Variants in EN2 observed in about 807,000 individuals in gnomAD.
EN2 encodes engrailed homeobox 2.
Under a neutral mutation model 25.0 loss-of-function variants are expected in EN2, and 7 were observed. That is an observed-to-expected ratio of 0.28 (90% confidence interval 0.16 to 0.53). The LOEUF (loss-of-function observed/expected upper bound fraction) is 0.53. Ranked by LOEUF, EN2 falls within the 20% of genes least tolerant of loss-of-function variation. The pLI, the probability that EN2 is intolerant of heterozygous loss-of-function variation, is 0.96. For missense variants in EN2, 524 were observed against 501.8 expected (o/e 1.04, Z -0.42); for synonymous variants, 277 against 243.3 (o/e 1.14, Z -1.29).
In EN2 at chr7:155,458,790, G is replaced by T. The variant is rs994956646; in HGVS notation, c.413G>T (p.Gly138Val). The T allele has an allele frequency of 2.2e-6, 3 of 1,391,084 alleles. No homozygotes were observed. The African/African-American group carries it at 4.6e-5, about 21-fold the overall frequency. The allele number at this position is 1,391,084 out of a possible 1,614,324, so 86.2% of individuals were successfully genotyped here. The change falls in exon 1 of 2, where the codon GGC becomes GTC. Residue 138 changes from glycine (G) to valine (V), a missense_variant. Coordinates refer to ENST00000297375, the MANE Select transcript of EN2 (RefSeq NM_001427.4). ...CGGCAGAACCCGCCATGTGCGCCCG[G>T]CGCGGGCGGGCCGCTCCCAGCCGCC... Reference protein sequence around the residue: ...EPRQNPPCAPGAGGPLPAAGS... With the variant: ...EPRQNPPCAPVAGGPLPAAGS...
intron 1 of EN2, 97 bp downstream of exon 1, chr7:155,459,159 C>A: frequency 7.9e-7 from 1 of 1,260,348 alleles, no homozygotes; most frequent in Non-Finnish European, 1.1e-6. Flanking sequence ...AGGAAAACAT[C>A]TCGAACCTCC....
chr7:155,460,815 A>C (rs1321295282), intron 1 of EN2, among the ~76,000 whole-genome samples: 1 of 152,230 alleles, frequency 6.6e-6, no homozygotes, highest in Non-Finnish European at 1.5e-5. Flanking sequence ...TGAGCAAGAC[A>C]GGCACTGAGT....
rs770353560 is a variant in EN2, at chr7:155,458,939, G to A, written c.562G>A (p.Gly188Ser). The change falls in exon 1 of 2, where the codon GGC becomes AGC. Residue 188 changes from glycine to serine, a missense_variant. Coordinates refer to ENST00000297375, the MANE Select transcript of EN2 (RefSeq NM_001427.4). ...GTCGCTCAAGGCCCGCGGCTTGGGC[G>A]GCGGCGACCTGTCGGTGAGCTCGGA... Reference protein sequence around the residue: ...DGSLKARGLGGGDLSVSSDSD... With the variant: ...DGSLKARGLGSGDLSVSSDSD... 9 of 1,519,524 alleles carry A rather than the reference G, an allele frequency of 5.9e-6. No homozygotes were observed. The highest frequency in any genetic ancestry group is 1.8e-4 in the Middle Eastern group (1 of 5,644). The allele number at this position is 1,519,524 out of a possible 1,614,324, so 94.1% of individuals were successfully genotyped here.
At position 155,458,345 on chromosome 7, in the gene EN2, CG is replaced by C; in HGVS notation, c.-31del. 7.8e-7 allele frequency: 1 copy of C among 1,282,910 alleles called. No individual in the cohort carries two copies. 79.5% of individuals were successfully genotyped at this position (1,282,910 alleles called of 1,614,324 possible). ...GAAGGCTGATTTGGAAGGGCGTCCC[CG>C]GAGAACCAGTGTGGGATTTACTGTG... On this transcript the variant is annotated 5_prime_UTR_variant, in exon 1 of 2. Transcript: ENST00000297375.
At chr7:155,461,200 A>G (rs73734529) in intron 1 of EN2, among the ~76,000 whole-genome samples, 1,608 of 152,272 alleles carry the variant, frequency 0.011, 30 homozygotes, top group African/African-American at 0.036. Flanking sequence ...TTCTCCAGCC[A>G]CAGGGACCTG....
rs1440560547 is a variant in EN2, at chr7:155,458,930, G to T, written c.553G>T (p.Gly185Cys). The T allele has an allele frequency of 6.6e-7, 1 of 1,517,866 alleles. No individual in the cohort carries two copies. Among genetic ancestry groups the T allele is most frequent in the Non-Finnish European group, 8.8e-7 (1 of 1,140,110 alleles). The allele number at this position is 1,517,866 out of a possible 1,614,324, so 94.0% of individuals were successfully genotyped here. Residue 185 changes from glycine to cysteine, a missense_variant, in exon 1 of 2, where the codon GGC becomes TGC. Transcript: ENST00000297375. ...CCTGGACGGGTCGCTCAAGGCCCGCGGCTTGGGCGGCGGCGACCTGTCGGT... is the reference window on the plus strand; with the variant it reads ...CCTGGACGGGTCGCTCAAGGCCCGCTGCTTGGGCGGCGGCGACCTGTCGGT... ...GPLDGSLKARGLGGGDLSVSS... is the reference protein window; with the variant it reads ...GPLDGSLKARCLGGGDLSVSS...
intron 1 of EN2, among the ~76,000 whole-genome samples, chr7:155,460,680 G>A (rs1379728056): frequency 6.6e-6 from 1 of 152,172 alleles, no homozygotes. Context: ...CTGGGAGCAG[G>A]AGGCTGGGGC....
In EN2 at chr7:155,464,778, T is replaced by A. The variant is rs945758995; in HGVS notation, c.*2091T>A. 1 of 152,350 alleles carries A rather than the reference T, an allele frequency of 6.6e-6. No individual in the cohort carries two copies. Among genetic ancestry groups the A allele is most frequent in the African/African-American group, 2.4e-5 (1 of 41,418 alleles). 9.4% of individuals were successfully genotyped at this position (152,350 alleles called of 1,614,324 possible). A position where few individuals can be genotyped will look rare whatever the true frequency, so the allele number is the denominator to read the frequency against. ...ACCCCCACCCCCGCATTTTTGTGTG[T>A]TGAAATTCTTGAAGGTTACATTAAA... On this transcript the variant is annotated 3_prime_UTR_variant, in exon 2 of 2. Coordinates refer to ENST00000297375, the MANE Select transcript of EN2 (RefSeq NM_001427.4).
intron 1 of EN2, among the ~76,000 whole-genome samples, chr7:155,461,533 G>C (rs1216542672): frequency 6.6e-6 from 1 of 152,304 alleles, no homozygotes; most frequent in East Asian, 1.9e-4. Flanking sequence ...CAGTGGGGAG[G>C]GTCAGAAGTG....
In EN2 at chr7:155,459,037, G is replaced by T. The variant is rs1374962602; in HGVS notation, c.660G>T (p.Thr220=). ...PMLWPAWVYC[T]RYSDRPSSGP... is the part of the protein sequence containing the mutation. ...TCTGGCCGGCGTGGGTCTACTGTAC[G>T]CGCTACTCGGACCGGCCTTCTTCAG... is the stretch of plus-strand genomic sequence containing the variant. Residue 220 remains threonine, a synonymous_variant, in exon 1 of 2, where the codon ACG becomes ACT. Coordinates refer to ENST00000297375, the MANE Select transcript of EN2 (RefSeq NM_001427.4). 4 of 1,581,596 alleles carry T rather than the reference G, an allele frequency of 2.5e-6. No individual in the cohort carries two copies. The Admixed American group carries it at 6.8e-5, about 27-fold the overall frequency.
rs1795708892 is a variant in EN2 at position 155,462,572 on chromosome 7, G to A, written c.887G>A (p.Arg296His). The A allele has an allele frequency of 1.2e-6, 2 of 1,614,100 alleles. No homozygotes were observed. The highest frequency in any genetic ancestry group is 1.7e-6 in the Non-Finnish European group (2 of 1,180,038). The change falls in exon 2 of 2, where the codon CGC becomes CAC. Residue 296 changes from arginine (R) to histidine (H), a missense_variant. By Grantham distance (29) the Arg-to-His change is conservative. Coordinates refer to ENST00000297375, the MANE Select transcript of EN2 (RefSeq NM_001427.4). The stretch of plus-strand genomic sequence containing the variant: ...ATCAAGATTTGGTTCCAGAACAAGC[G>A]CGCCAAGATCAAGAAGGCCACGGGC... ...SQIKIWFQNK[R>H]AKIKKATGNK... is the part of the protein sequence containing the mutation.
At chr7:155,462,267 G>C (rs918664559) in intron 1 of EN2, 104 bp from the exon 2 acceptor site, 9 of 1,335,716 alleles carry the variant, frequency 6.7e-6, no homozygotes, top group Admixed American at 4.5e-5. Flanking sequence ...AGTGGCCTTG[G>C]GCGAGTCACT....
chr7:155,462,694 G>C lies in EN2; in HGVS notation c.*7G>C. 2.6e-6 allele frequency: 4 copies of C among 1,562,592 alleles called. No individual in the cohort carries two copies. The highest frequency in any genetic ancestry group is 3.5e-6 in the Non-Finnish European group (4 of 1,151,830). Reference sequence around the variant, plus strand: ...CAAGTCGGACAGCGAGTAGGGCGGGGGGCATGGAGGCCAGGTCTCAGTCCG... The same window carrying C: ...CAAGTCGGACAGCGAGTAGGGCGGGCGGCATGGAGGCCAGGTCTCAGTCCG... On this transcript the variant is annotated 3_prime_UTR_variant, in exon 2 of 2. Coordinates refer to ENST00000297375, the MANE Select transcript of EN2 (RefSeq NM_001427.4).
chr7:155,460,514 C>T (rs1296777013), intron 1 of EN2, among the ~76,000 whole-genome samples: 1 of 152,166 alleles, frequency 6.6e-6, no homozygotes, highest in Non-Finnish European at 1.5e-5. Context: ...AAGAAAAAAA[C>T]CTAAAAATTA....
rs985847319 is a variant in EN2, at chr7:155,462,921, A to G, written c.*234A>G. ...GTGTTTATGAGATTATGCTAATTTTATGGGTTTTTTTCTTTTTTGCGAAGG... is the reference window on the plus strand; with the variant it reads ...GTGTTTATGAGATTATGCTAATTTTGTGGGTTTTTTTCTTTTTTGCGAAGG... On this transcript the variant is annotated 3_prime_UTR_variant, in exon 2 of 2. Transcript: ENST00000297375. The G allele has an allele frequency of 6.4e-6, 3 of 468,094 alleles. No individual in the cohort carries two copies. Among genetic ancestry groups the G allele is most frequent in the Non-Finnish European group, 1.0e-5 (3 of 292,392 alleles). The allele number at this position is 468,094 out of a possible 1,614,324, so 29.0% of individuals were successfully genotyped here. A position where few individuals can be genotyped will look rare whatever the true frequency, so the allele number is the denominator to read the frequency against.
Position 155,458,701 on chromosome 7 carries a change from TG to T in EN2, c.325del (p.Ala109ArgfsTer85). 1 of 1,342,960 alleles carries T rather than the reference TG, an allele frequency of 7.4e-7. No individual in the cohort carries two copies. The highest frequency in any genetic ancestry group is 3.1e-5 in the East Asian group (1 of 31,846). 83.2% of individuals were successfully genotyped at this position (1,342,960 alleles called of 1,614,324 possible). ...CCGGCGGCGAAGGCGGCGCGAGCGGTGCGGAGGGAGGCGGCGGCGCGGGCGG... is the reference window on the plus strand; with the variant it reads ...CCGGCGGCGAAGGCGGCGCGAGCGGTCGGAGGGAGGCGGCGGCGCGGGCGG... ...GAGGEGGASGAEGGGGAGGSE... is the reference protein window; with the variant it reads ...GAGGEGGASGXEGGGGAGGSE... On this transcript the variant is annotated frameshift_variant, in exon 1 of 2. Transcript: ENST00000297375. LOFTEE classifies it high-confidence loss of function.
In EN2 at chr7:155,462,609, G is replaced by A. The variant is rs140822188; in HGVS notation, c.924G>A (p.Thr308=). The stretch of plus-strand genomic sequence containing the variant: ...AGAAGGCCACGGGCAACAAGAACAC[G>A]CTGGCCGTGCACCTCATGGCACAGG... The part of the protein sequence containing the change: ...KIKKATGNKN[T]LAVHLMAQGL... Residue 308 remains threonine, a synonymous_variant, in exon 2 of 2, where the codon ACG becomes ACA. Transcript: ENST00000297375. The A allele has an allele frequency of 4.8e-5, 77 of 1,613,758 alleles. No individual in the cohort carries two copies. In the African/African-American group the frequency reaches 7.9e-4, roughly 17 times the overall value.
In EN2 at chr7:155,458,869, C is replaced by T; in HGVS notation, c.492C>T (p.His164=). The T allele has an allele frequency of 1.3e-6, 2 of 1,495,144 alleles. No homozygotes were observed. Among genetic ancestry groups the T allele is most frequent in the Non-Finnish European group, 1.8e-6 (2 of 1,130,436 alleles). The allele number at this position is 1,495,144 out of a possible 1,614,324, so 92.6% of individuals were successfully genotyped here. Residue 164 remains histidine, a synonymous_variant, in exon 1 of 2, where the codon CAC becomes CAT. Coordinates refer to ENST00000297375, the MANE Select transcript of EN2 (RefSeq NM_001427.4). The part of the protein sequence containing the change: ...GEGGSKTLSL[H]GGAKKGGDPG... ...GCGGCTCCAAGACGCTCTCGCTGCACGGTGGCGCCAAGAAAGGCGGCGACC... is the reference window on the plus strand; with the variant it reads ...GCGGCTCCAAGACGCTCTCGCTGCATGGTGGCGCCAAGAAAGGCGGCGACC...
intron 1 of EN2, among the ~76,000 whole-genome samples, chr7:155,460,724 C>A (rs2116601369): frequency 6.6e-6 from 1 of 152,240 alleles, no homozygotes; most frequent in Admixed American, 6.5e-5. Context: ...TCCCCCACCA[C>A]CGTTCCGGAG....
Sources: allele counts gnomAD v4.1 joint callset (sites outside exome capture counted in the v4.1 genomes callset), GRCh38; gene constraint gnomAD v4.1.1; transcripts MANE v1.5; gene names NCBI Gene and HGNC (gene_info 2026-07-23, HGNC 2026-07-21).